PCDHGB5: variants seen among roughly 807,000 people sequenced by gnomAD.
The protein encoded by PCDHGB5 is protocadherin gamma subfamily B, 5, also known as protocadherin gamma-B5.
Under a neutral mutation model 62.9 loss-of-function variants are expected in PCDHGB5, and 48 were observed. That is an observed-to-expected ratio of 0.76 (90% CI 0.61 to 0.97). PCDHGB5 has a LOEUF of 0.97. Among genes scored for constraint, PCDHGB5 ranks in the 50% least tolerant of loss-of-function variants. PCDHGB5 has a pLI of 0.00. For missense variants in PCDHGB5, 1,118 were observed against 1,198.6 expected, an observed-to-expected ratio of 0.93 and a Z score of 0.99; for synonymous variants, 474 against 511.2, an observed-to-expected ratio of 0.93 and a Z score of 0.98.
rs532216579 is a variant in PCDHGB5, at chr5:141,419,369, T to G, written c.2397+18845T>G. 631 of 1,613,750 alleles carry G rather than the reference T, an allele frequency of 3.9e-4. 5 individuals carry two copies. In the East Asian group the frequency reaches 0.013, roughly 33 times the overall value. On this transcript the variant is annotated intron_variant, in intron 1 of 3. Coordinates refer to ENST00000617380, the MANE Select transcript of PCDHGB5 (RefSeq NM_018925.3). ...CCTGGAGTCACGAACGCTGTCGTCC[T>G]ACGTGTCCGTGAGCGCGCAGAGCGG...
chr5:141,478,385 T>C (rs919846683), intron 1 of PCDHGB5: 1 of 1,613,628 alleles, frequency 6.2e-7, no homozygotes, highest in Non-Finnish European at 8.5e-7. Context: ...GCCGCACCTT[T>C]ACCATCAGGT....
Position 141,410,849 on chromosome 5 carries a change from C to CTTTTTTTTT in PCDHGB5, c.2397+10339_2397+10347dup, listed in dbSNP as rs759346998. 1.7e-3 allele frequency: 239 copies of CTTTTTTTTT among 138,144 alleles called. 16 individuals are homozygous for CTTTTTTTTT. Among genetic ancestry groups the CTTTTTTTTT allele is most frequent in the African/African-American group, 4.5e-3 (75 of 16,616 alleles). 8.6% of individuals were successfully genotyped at this position (138,144 alleles called of 1,614,324 possible). On this transcript the variant is annotated intron_variant, in intron 1 of 3. Coordinates refer to ENST00000617380, the MANE Select transcript of PCDHGB5 (RefSeq NM_018925.3). ...CAGACTGAAGATATTTTGTCTTTGT[C>CTTTTTTTTT]TTTTTTTTTTTTTTTTTTTTTTGAG...
intron 1 of PCDHGB5, chr5:141,415,337 G>A: frequency 1.2e-6 from 2 of 1,614,210 alleles, no homozygotes; most frequent in Non-Finnish European, 1.7e-6. Flanking sequence ...CACAGGCTGC[G>A]GCGCTGGCAC....
At chr5:141,410,182 T>G in intron 1 of PCDHGB5, 1 of 1,613,868 alleles carries the variant, frequency 6.2e-7, no homozygotes, top group Non-Finnish European at 8.5e-7. Flanking sequence ...CCGCCACGCT[T>G]CATCTGGTCT....
chr5:141,401,211 G>A (rs1180713351), intron 1 of PCDHGB5, among the ~76,000 whole-genome samples: 5 of 151,994 alleles, frequency 3.3e-5, no homozygotes, highest in South Asian at 2.1e-4. Context: ...GTGTGGTGGC[G>A]GGCGCCTGTA....
intron 1 of PCDHGB5, chr5:141,419,715 T>C: frequency 6.2e-7 from 1 of 1,613,288 alleles, no homozygotes. Flanking sequence ...CTCTTCAGCC[T>C]GGGGCTGCGA....
At position 141,417,888 on chromosome 5, in the gene PCDHGB5, G is replaced by C. The variant is rs1406210540; in HGVS notation, c.2397+17364G>C. ...GGAGGGAGCTGCGCGCAGAGGCGCC[G>C]GGCCGGCCCGCGGCAGGTACTATTT... is the stretch of plus-strand genomic sequence containing the variant. On this transcript the variant is annotated intron_variant, in intron 1 of 3. Transcript: ENST00000617380. 1.3e-6 allele frequency: 2 copies of C among 1,566,652 alleles called. No homozygotes were observed. The highest frequency in any genetic ancestry group is 1.7e-4 in the Middle Eastern group (1 of 6,016).
intron 1 of PCDHGB5, among the ~76,000 whole-genome samples, chr5:141,447,405 T>C (rs1045202682): frequency 6.6e-6 from 1 of 152,068 alleles, no homozygotes; most frequent in Non-Finnish European, 1.5e-5. Context: ...CCCAAAGTGC[T>C]GGGATTACAG....
intron 1 of PCDHGB5, among the ~76,000 whole-genome samples, chr5:141,482,207 G>T (rs983812650): frequency 6.6e-6 from 1 of 152,130 alleles, no homozygotes; most frequent in East Asian, 1.9e-4. Flanking sequence ...AAACAGACCA[G>T]GTACTTGTTT....
chr5:141,462,242 G>A (rs1325040495), intron 1 of PCDHGB5, among the ~76,000 whole-genome samples: 3 of 152,234 alleles, frequency 2.0e-5, no homozygotes, highest in Non-Finnish European at 4.4e-5. Context: ...TTACAGGTAT[G>A]AGCCACCATG....
chr5:141,454,998 G>A (rs909142112), intron 1 of PCDHGB5, among the ~76,000 whole-genome samples: 1 of 151,220 alleles, frequency 6.6e-6, no homozygotes, highest in Admixed American at 6.6e-5. Flanking sequence ...ATTTTTAGTA[G>A]AGACGGGGTT....
At chr5:141,428,154 T>G (rs760002801) in intron 1 of PCDHGB5, 29 of 1,578,806 alleles carry the variant, frequency 1.8e-5, no homozygotes, top group African/African-American at 1.3e-5. Flanking sequence ...CACGGGAACC[T>G]GCTGGTTGCT....
chr5:141,432,823 C>A lies in PCDHGB5; in HGVS notation c.2397+32299C>A. 1 of 1,614,184 alleles carries A rather than the reference C, an allele frequency of 6.2e-7. No homozygotes were observed. Among genetic ancestry groups the A allele is most frequent in the Non-Finnish European group, 8.5e-7 (1 of 1,180,004 alleles). On this transcript the variant is annotated intron_variant, in intron 1 of 3. Transcript: ENST00000617380. The surrounding 1 kb of genome is among the most constrained non-coding windows in gnomAD (Gnocchi z 6.0). ...CTCCAGCTAACTCTGAAACCTCAGA[C>A]CTCACTCTGTACCTGGTGGTAGCGG...
rs115001531 is a variant in PCDHGB5, at chr5:141,495,385, G to A, written c.2456+520G>A. Among the ~76,000 whole-genome samples the A allele has an allele frequency of 2.2e-3, 339 of 152,328 alleles. 1 individual carries two copies. Among genetic ancestry groups the A allele is most frequent in the African/African-American group, 7.9e-3 (329 of 41,590 alleles). ...AGGTGGAACTGAGGAAGGACTGGGC[G>A]GGGCATGGAGCAGGCCCCCTTCTCC... On this transcript the variant is annotated intron_variant, in intron 2 of 3. Transcript: ENST00000617380.
At chr5:141,401,936 G>A (rs950687803) in intron 1 of PCDHGB5, among the ~76,000 whole-genome samples, 1 of 152,100 alleles carries the variant, frequency 6.6e-6, no homozygotes, top group African/African-American at 2.4e-5. Flanking sequence ...TTAGAATAAT[G>A]TTTAAGACCA....
chr5:141,424,966 T>G (rs913951031), intron 1 of PCDHGB5, among the ~76,000 whole-genome samples: 17 of 152,174 alleles, frequency 1.1e-4, no homozygotes, highest in African/African-American at 3.9e-4. Flanking sequence ...TTGCCCCAAA[T>G]TACTTGGATA....
chr5:141,420,022 TA>T (rs2096459209), intron 1 of PCDHGB5: 1 of 1,613,986 alleles, frequency 6.2e-7, no homozygotes. Flanking sequence ...CTTTCAGCCC[TA>T]CTGCAGGAGA....
chr5:141,405,995 A>T (rs985162414), intron 1 of PCDHGB5, among the ~76,000 whole-genome samples: 1 of 151,964 alleles, frequency 6.6e-6, no homozygotes. Context: ...GGTAGCTCTC[A>T]GCCTGCATTG....
At position 141,421,915 on chromosome 5, in the gene PCDHGB5, C is replaced by T. The variant is rs751221129; in HGVS notation, c.2397+21391C>T. ...CATCCGAAAGGGCGCAGTTCCCATT[C>T]GTGTGGTGGTCCTCGATGTAAATGA... is the stretch of plus-strand genomic sequence containing the variant. On this transcript the variant is annotated intron_variant, in intron 1 of 3. Transcript: ENST00000617380. 18 of 1,613,504 alleles carry T rather than the reference C, an allele frequency of 1.1e-5. No individual in the cohort carries two copies. The South Asian group carries it at 1.5e-4, about 14-fold the overall frequency.
Sources: gnomAD v4.1 joint callset for allele counts (sites outside exome capture counted in the v4.1 genomes callset) on GRCh38, gnomAD v4.1.1 for gene constraint, Gnocchi (gnomAD v3.1) non-coding constraint, MANE v1.5 for transcripts, NCBI Gene and HGNC (gene_info 2026-07-23, HGNC 2026-07-21) for gene names.